GNAQ: variants seen among roughly 807,000 people sequenced by gnomAD.
GNAQ encodes guanine nucleotide-binding protein G(q) subunit alpha.
In GNAQ, 8 loss-of-function variants were observed where a neutral mutation model predicts 43.9. The ratio of observed to expected loss-of-function variants is 0.18; its 90% CI spans 0.11 to 0.33. The LOEUF is 0.33. Ranked by LOEUF, GNAQ falls within the 10% of genes least tolerant of loss-of-function variation. The pLI is 1.00. For synonymous variants in GNAQ, 155 were observed against 170.7 expected (o/e 0.91, Z 0.71); for missense variants, 158 against 450.8 (o/e 0.35, Z 5.88).
At chr9:77,746,672 T>C (rs1825735365) in intron 5 of GNAQ, among the ~76,000 whole-genome samples, 1 of 152,192 alleles carries the variant, frequency 6.6e-6, no homozygotes, top group Non-Finnish European at 1.5e-5. Context: ...TGTTAAATAG[T>C]GTAAACAGTG....
At chr9:77,775,417 T>G (rs1587910974) in intron 5 of GNAQ, among the ~76,000 whole-genome samples, 1 of 146,734 alleles carries the variant, frequency 6.8e-6, no homozygotes, top group Non-Finnish European at 1.5e-5. Context: ...CTCTTTTTTT[T>G]TTTTTTTTTT....
chr9:77,890,684 T>C (rs1253806542), intron 2 of GNAQ, among the ~76,000 whole-genome samples: 1 of 152,090 alleles, frequency 6.6e-6, no homozygotes, highest in Non-Finnish European at 1.5e-5. Context: ...GATCACACCA[T>C]TGCACTCCAG....
chr9:77,844,396 T>A (rs1013391388), intron 2 of GNAQ, among the ~76,000 whole-genome samples: 1 of 152,166 alleles, frequency 6.6e-6, no homozygotes, highest in Non-Finnish European at 1.5e-5. Flanking sequence ...ATCCATTATA[T>A]TGGCTTAAAG....
chr9:77,860,822 G>A (rs140220205), intron 2 of GNAQ, among the ~76,000 whole-genome samples: 24 of 152,242 alleles, frequency 1.6e-4, no homozygotes, highest in African/African-American at 5.8e-4. Context: ...ACTCCCAGCT[G>A]AAGTTCATGA....
At chr9:77,838,386 G>A (rs537131709) in intron 2 of GNAQ, among the ~76,000 whole-genome samples, 1 of 149,418 alleles carries the variant, frequency 6.7e-6, no homozygotes, top group South Asian at 2.2e-4. Context: ...CAGGTGATCC[G>A]CCCACCTTGC....
chr9:77,757,871 A>G (rs559477050), intron 5 of GNAQ, among the ~76,000 whole-genome samples: 24 of 152,284 alleles, frequency 1.6e-4, no homozygotes, highest in Admixed American at 1.0e-3. Context: ...GTTTCTCCCA[A>G]TTGAGAGAAT....
At chr9:77,808,338 G>C (rs527980692) in intron 3 of GNAQ, among the ~76,000 whole-genome samples, 1 of 150,788 alleles carries the variant, frequency 6.6e-6, no homozygotes, top group Non-Finnish European at 1.5e-5. Flanking sequence ...AGCATTCACC[G>C]AGGAAGACAA....
chr9:77,770,154 T>A (rs1465742983), intron 5 of GNAQ, among the ~76,000 whole-genome samples: 1 of 152,176 alleles, frequency 6.6e-6, no homozygotes, highest in Non-Finnish European at 1.5e-5. Context: ...CTAAATGAAT[T>A]TCAGGGTTTC....
chr9:77,959,715 A>G (rs945794205), intron 1 of GNAQ, among the ~76,000 whole-genome samples: 10 of 152,188 alleles, frequency 6.6e-5, no homozygotes, highest in African/African-American at 2.4e-4. Flanking sequence ...CCTACCTTGC[A>G]CAATATTTAA....
chr9:77,885,315 A>G (rs1164080271), intron 2 of GNAQ, among the ~76,000 whole-genome samples: 3 of 152,224 alleles, frequency 2.0e-5, no homozygotes, highest in Non-Finnish European at 2.9e-5. Context: ...CCAGGCACAC[A>G]GCCAGGTGAA....
rs572258134 is a variant in GNAQ at position 77,813,458 on chromosome 9, C to T, written c.476+2158G>A. ...GCACTGACAGGTCTAGAGAAACTGT[C>T]TGGGAGAGCTCTTGCCCTAAGCAAG... On this transcript the variant is annotated intron_variant, in intron 3 of 6. Coordinates refer to ENST00000286548, the MANE Select transcript of GNAQ (RefSeq NM_002072.5). 3.9e-5 allele frequency among the ~76,000 whole-genome samples: 6 copies of T among 152,312 alleles called. No homozygotes were observed. The South Asian group carries it at 1.2e-3, about 32-fold the overall frequency.
In GNAQ at chr9:77,718,831, T is replaced by C. The variant is rs1344212896; in HGVS notation, c.*2492A>G. The C allele has an allele frequency of 4.9e-6, 1 of 203,848 alleles. No homozygotes were observed. The highest frequency in any genetic ancestry group is 7.2e-5 in the East Asian group (1 of 13,800). The allele number at this position is 203,848 out of a possible 1,614,324, so 12.6% of individuals were successfully genotyped here. A position where few individuals can be genotyped will look rare whatever the true frequency, so the allele number is the denominator to read the frequency against. ...AAAACATTTCCTTAGTGGATCACAA[T>C]AGCTTCTAAAACTGCCTTTCTAGTA... is the stretch of plus-strand genomic sequence containing the variant. On this transcript the variant is annotated 3_prime_UTR_variant, in exon 7 of 7. Transcript: ENST00000286548.
intron 5 of GNAQ, among the ~76,000 whole-genome samples, chr9:77,772,734 A>G (rs1826246352): frequency 6.6e-6 from 1 of 152,226 alleles, no homozygotes; most frequent in Non-Finnish European, 1.5e-5. Flanking sequence ...TCTTTTTTCA[A>G]CAACAAAGCC....
At chr9:78,017,056 A>G (rs1185001630) in intron 1 of GNAQ, among the ~76,000 whole-genome samples, 2 of 152,222 alleles carry the variant, frequency 1.3e-5, no homozygotes, top group East Asian at 1.9e-4. Flanking sequence ...AAAATACCCA[A>G]CAATGTTCAC....
chr9:77,966,823 A>G (rs994088694), intron 1 of GNAQ, among the ~76,000 whole-genome samples: 1 of 152,174 alleles, frequency 6.6e-6, no homozygotes, highest in Non-Finnish European at 1.5e-5. Flanking sequence ...ATTCTTCAAC[A>G]AACTATGCTC....
At chr9:77,848,904 A>C (rs978619160) in intron 2 of GNAQ, among the ~76,000 whole-genome samples, 1 of 152,216 alleles carries the variant, frequency 6.6e-6, no homozygotes, top group Non-Finnish European at 1.5e-5. Context: ...CGACAGCAAA[A>C]TGCAATACTA....
intron 5 of GNAQ, among the ~76,000 whole-genome samples, chr9:77,751,757 T>C (rs893551964): frequency 6.6e-6 from 1 of 151,826 alleles, no homozygotes; most frequent in African/African-American, 2.4e-5. Context: ...CTAGGACAAC[T>C]AGGAAACGAG....
intron 2 of GNAQ, among the ~76,000 whole-genome samples, chr9:77,910,324 G>C (rs1284862134): frequency 6.6e-6 from 1 of 152,080 alleles, no homozygotes; most frequent in Non-Finnish European, 1.5e-5. Flanking sequence ...AATATATTCT[G>C]CCTAACTGAA....
chr9:77,761,519 G>C (rs368115461), intron 5 of GNAQ, among the ~76,000 whole-genome samples: 1 of 92,932 alleles, frequency 1.1e-5, no homozygotes. Flanking sequence ...CCCCCCGCCC[G>C]GCCAGCCGCC....
Sources: allele counts gnomAD v4.1 joint callset (sites outside exome capture counted in the v4.1 genomes callset), GRCh38; gene constraint gnomAD v4.1.1; transcripts MANE v1.5; gene names NCBI Gene and HGNC (gene_info 2026-07-23, HGNC 2026-07-21).